SPEG: variants seen among roughly 807,000 people sequenced by gnomAD.
SPEG encodes the protein striated muscle enriched protein kinase.
In SPEG, 114 loss-of-function variants were observed where a neutral mutation model predicts 300.4. That is an observed-to-expected ratio of 0.38 (90% CI 0.33 to 0.44). The LOEUF (loss-of-function observed/expected upper bound fraction) is 0.44. SPEG is among the 20% of genes least tolerant of loss of function. The pLI is 1.00. For synonymous variants in SPEG, 1,964 were observed against 2,018.9 expected (o/e 0.97, Z 0.73); for missense variants, 4,201 against 4,586.2 (o/e 0.92, Z 2.43).
rs1692122361 is a variant in SPEG, at chr2:219,473,971, G to A, written c.4447+68G>A. ...CAAAGCTCTCTACTCACACCCCCAG[G>A]TACACAACCTGCCTGACACTGCTGC... On this transcript the variant is annotated intron_variant, in intron 18 of 40. Transcript: ENST00000312358. The surrounding 1 kb of genome is among the most constrained non-coding windows in gnomAD (Gnocchi z 4.6). 1 of 1,512,470 alleles carries A rather than the reference G, an allele frequency of 6.6e-7. No individual in the cohort carries two copies. The highest frequency in any genetic ancestry group is 8.9e-7 in the Non-Finnish European group (1 of 1,121,450). The allele number at this position is 1,512,470 out of a possible 1,614,324, so 93.7% of individuals were successfully genotyped here.
Position 219,444,647 on chromosome 2 carries a change from C to T in SPEG, c.389-6C>T, listed in dbSNP as rs1575043481. Reference sequence around the variant, plus strand: ...GCCCTGCCCACACAGACCCCTTCTTCTCCAGACTCAGAGACGGCTGAGGAT... The same window carrying T: ...GCCCTGCCCACACAGACCCCTTCTTTTCCAGACTCAGAGACGGCTGAGGAT... On this transcript the variant is annotated splice_region_variant and splice_polypyrimidine_tract_variant and intron_variant, in intron 1 of 40. Coordinates refer to ENST00000312358, the MANE Select transcript of SPEG (RefSeq NM_005876.5). The surrounding 1 kb of genome is among the most constrained non-coding windows in gnomAD (Gnocchi z 7.8). 1.2e-6 allele frequency: 2 copies of T among 1,613,720 alleles called. No homozygotes were observed. Among genetic ancestry groups the T allele is most frequent in the East Asian group, 4.5e-5 (2 of 44,860 alleles).
chr2:219,461,990 T>C lies in SPEG; in HGVS notation c.2549T>C (p.Met850Thr). The C allele has an allele frequency of 1.2e-6, 2 of 1,612,520 alleles. No homozygotes were observed. Among genetic ancestry groups the C allele is most frequent in the Admixed American group, 1.7e-5 (1 of 59,906 alleles). ...PGETWPRTPT[M>T]KPSPSQNRRS... ...GAGACCTGGCCGCGAACCCCCACCA[T>C]GAAGCCCAGTCCCAGCCAGAACCGC... Residue 850 changes from methionine to threonine, a missense_variant, in exon 7 of 41, where the codon ATG becomes ACG. By Grantham distance (81) the Met-to-Thr change is moderately conservative. Transcript: ENST00000312358.
Position 219,445,210 on chromosome 2 carries a change from G to A in SPEG, c.815+49G>A. Reference sequence around the variant, plus strand: ...CTGAACTGCCCCATCTCACCACGCTGTCCTGCGCTGCCCTCACTGCTCAGT... The same window carrying A: ...CTGAACTGCCCCATCTCACCACGCTATCCTGCGCTGCCCTCACTGCTCAGT... On this transcript the variant is annotated intron_variant, in intron 3 of 40. Transcript: ENST00000312358. The surrounding 1 kb of genome is among the most constrained non-coding windows in gnomAD (Gnocchi z 6.1). 1 of 1,495,624 alleles carries A rather than the reference G, an allele frequency of 6.7e-7. No individual in the cohort carries two copies. Among genetic ancestry groups the A allele is most frequent in the Non-Finnish European group, 9.1e-7 (1 of 1,097,682 alleles). 92.6% of individuals were successfully genotyped at this position (1,495,624 alleles called of 1,614,324 possible).
rs1055878018 is a variant in SPEG at position 219,458,871 on chromosome 2, C to T, written c.2441-3011C>T. Among the ~76,000 whole-genome samples, 1 of 151,992 alleles carries T rather than the reference C, an allele frequency of 6.6e-6. No homozygotes were observed. Among genetic ancestry groups the T allele is most frequent in the Non-Finnish European group, 1.5e-5 (1 of 68,004 alleles). On this transcript the variant is annotated intron_variant, in intron 6 of 40. Coordinates refer to ENST00000312358, the MANE Select transcript of SPEG (RefSeq NM_005876.5). The surrounding 1 kb of genome is among the most constrained non-coding windows in gnomAD (Gnocchi z 4.2). ...GAGGAATCTATATTTTAAATAAGCC[C>T]GAGGTGGTCCTGATGTGAGTAGGTC...
In SPEG at chr2:219,462,048, C is replaced by T; in HGVS notation, c.2607C>T (p.Pro869=). The change falls in exon 7 of 41, where the codon CCC becomes CCT. Residue 869 remains proline (P), a synonymous_variant. Coordinates refer to ENST00000312358, the MANE Select transcript of SPEG (RefSeq NM_005876.5). ...CTGACACTGGCTCCAAGGCACCCCCCACCTTCAAGGTCAGACCCCTGAGGC... is the reference window on the plus strand; with the variant it reads ...CTGACACTGGCTCCAAGGCACCCCCTACCTTCAAGGTCAGACCCCTGAGGC... ...RSSDTGSKAP[P]TFKVSLMDQS... The T allele has an allele frequency of 4.4e-6, 7 of 1,604,754 alleles. No individual in the cohort carries two copies. Among genetic ancestry groups the T allele is most frequent in the African/African-American group, 1.3e-5 (1 of 74,384 alleles).
chr2:219,484,523 C>A lies in SPEG; in HGVS notation c.7060C>A (p.Arg2354Ser), dbSNP rs1195154160. 6.3e-7 allele frequency: 1 copy of A among 1,599,760 alleles called. No homozygotes were observed. Among genetic ancestry groups the A allele is most frequent in the South Asian group, 1.1e-5 (1 of 90,324 alleles). The change falls in exon 30 of 41, where the codon CGT becomes AGT. Residue 2354 changes from arginine (R) to serine (S), a missense_variant. Coordinates refer to ENST00000312358, the MANE Select transcript of SPEG (RefSeq NM_005876.5). ...GTCGCTGGGGCTGCGGCTGCTGAGCCGTTCGCGCTCGGAGGAGCGCGGCCC... is the reference window on the plus strand; with the variant it reads ...GTCGCTGGGGCTGCGGCTGCTGAGCAGTTCGCGCTCGGAGGAGCGCGGCCC... ...PLSLGLRLLSRSRSEERGPFR... is the reference protein window; with the variant it reads ...PLSLGLRLLSSSRSEERGPFR...
chr2:219,483,901 G>C lies in SPEG; in HGVS notation c.6438G>C (p.Gly2146=). The part of the protein sequence containing the change: ...AEPRGRHRRA[G]APLEIPVARL... ...CCCGGGGCCGGCACCGCCGAGCGGGGGCGCCCCTCGAGATCCCCGTGGCCA... is the reference window on the plus strand; with the variant it reads ...CCCGGGGCCGGCACCGCCGAGCGGGCGCGCCCCTCGAGATCCCCGTGGCCA... Residue 2146 remains glycine, a synonymous_variant, in exon 30 of 41, where the codon GGG becomes GGC. Coordinates refer to ENST00000312358, the MANE Select transcript of SPEG (RefSeq NM_005876.5). 6.2e-7 allele frequency: 1 copy of C among 1,601,258 alleles called. No individual in the cohort carries two copies. The highest frequency in any genetic ancestry group is 8.5e-7 in the Non-Finnish European group (1 of 1,178,712).
rs1299910178 is a variant in SPEG, at chr2:219,448,568, C to G, written c.1410C>G (p.Phe470Leu). The change falls in exon 4 of 41, where the codon TTC becomes TTG. Residue 470 changes from phenylalanine to leucine, a missense_variant. Transcript: ENST00000312358. ...PGSVAERRRL[F>L]QQKAASLDER... Reference sequence around the variant, plus strand: ...GCGTGGCCGAGCGGCGCCGCCTGTTCCAGCAGAAAGCGGCCTCGCTGGACG... The same window carrying G: ...GCGTGGCCGAGCGGCGCCGCCTGTTGCAGCAGAAAGCGGCCTCGCTGGACG... 1 of 1,452,288 alleles carries G rather than the reference C, an allele frequency of 6.9e-7. No homozygotes were observed. The highest frequency in any genetic ancestry group is 2.9e-5 in the East Asian group (1 of 34,190). The allele number at this position is 1,452,288 out of a possible 1,614,324, so 90.0% of individuals were successfully genotyped here. A position where few individuals can be genotyped will look rare whatever the true frequency, so the allele number is the denominator to read the frequency against.
chr2:219,437,714 G>A (rs1476747676), intron 1 of SPEG, among the ~76,000 whole-genome samples: 1 of 152,050 alleles, frequency 6.6e-6, no homozygotes, highest in African/African-American at 2.4e-5. Flanking sequence ...GAGGAGGGAG[G>A]GGCTTTGCTT....
At position 219,479,997 on chromosome 2, in the gene SPEG, C is replaced by T. The variant is rs532283838; in HGVS notation, c.5199C>T (p.Gly1733=). The T allele has an allele frequency of 1.3e-5, 21 of 1,614,086 alleles. No individual in the cohort carries two copies. The highest frequency in any genetic ancestry group is 1.1e-4 in the African/African-American group (8 of 75,022). ...TGCTGGTGTGGGATGGTGCTGCGGG[C>T]GAGCAGCAGGTGCGGATCTGTGACT... is the stretch of plus-strand genomic sequence containing the variant. The part of the protein sequence containing the change: ...ENLLVWDGAA[G]EQQVRICDFG... The change falls in exon 25 of 41, where the codon GGC becomes GGT. Residue 1733 remains glycine (G), a synonymous_variant. Coordinates refer to ENST00000312358, the MANE Select transcript of SPEG (RefSeq NM_005876.5). The surrounding 1 kb of genome is among the most constrained non-coding windows in gnomAD (Gnocchi z 5.5).
chr2:219,466,085 T>A (rs760098216), intron 9 of SPEG: 7 of 1,592,912 alleles, frequency 4.4e-6, no homozygotes, highest in African/African-American at 1.3e-5. Context: ...CCACCTGTGC[T>A]CCCCCCGCTA....
In SPEG at chr2:219,477,248, C is replaced by T; in HGVS notation, c.4561-29C>T. 7.9e-7 allele frequency: 1 copy of T among 1,267,828 alleles called. No homozygotes were observed. Among genetic ancestry groups the T allele is most frequent in the Non-Finnish European group, 1.1e-6 (1 of 928,564 alleles). 78.5% of individuals were successfully genotyped at this position (1,267,828 alleles called of 1,614,324 possible). Reference sequence around the variant, plus strand: ...CCCAAGGTAGAGATGAGGCCAGGCCCAGGCTGAAGGTGAGACCCCACTCTG... The same window carrying T: ...CCCAAGGTAGAGATGAGGCCAGGCCTAGGCTGAAGGTGAGACCCCACTCTG... On this transcript the variant is annotated intron_variant, in intron 19 of 40. Transcript: ENST00000312358. The surrounding 1 kb of genome is among the most constrained non-coding windows in gnomAD (Gnocchi z 6.4).
chr2:219,484,370 C>T lies in SPEG; in HGVS notation c.6907C>T (p.Leu2303=). ...RVPSAGGPPV[L]AEKARVPTVP... is the part of the protein sequence containing the mutation. ...GCCCTCAGCCGGGGGTCCCCCGGTG[C>T]TAGCCGAGAAAGCCCGAGTTCCCAC... Residue 2303 remains leucine (L), a synonymous_variant, in exon 30 of 41, where the codon CTA becomes TTA. Transcript: ENST00000312358. 6.2e-7 allele frequency: 1 copy of T among 1,607,742 alleles called. No individual in the cohort carries two copies. Among genetic ancestry groups the T allele is most frequent in the South Asian group, 1.1e-5 (1 of 90,984 alleles).
Position 219,469,402 on chromosome 2 carries a change from G to A in SPEG, c.3715+23G>A, listed in dbSNP as rs746737948. 1.2e-5 allele frequency: 19 copies of A among 1,589,094 alleles called. No individual in the cohort carries two copies. The African/African-American group carries it at 1.5e-4, about 12-fold the overall frequency. On this transcript the variant is annotated intron_variant, in intron 13 of 40. Transcript: ENST00000312358. ...AGTGTACGTGTCTGGGAAGTTCCCC[G>A]GGAGTGTCCCCTGCAGCACCCACTT...
chr2:219,444,759 T>A lies in SPEG; in HGVS notation c.478+17T>A. 6.2e-7 allele frequency: 1 copy of A among 1,613,118 alleles called. No individual in the cohort carries two copies. On this transcript the variant is annotated intron_variant, in intron 2 of 40. Transcript: ENST00000312358. The surrounding 1 kb of genome is among the most constrained non-coding windows in gnomAD (Gnocchi z 7.8). ...CCCCCACGGGTGAGCTCCTGGGGTG[T>A]ACAAAGAGCAGGCAGGCGGGTTTTC... is the stretch of plus-strand genomic sequence containing the variant.
rs781036323 is a variant in SPEG, at chr2:219,473,844, C to A, written c.4388C>A (p.Thr1463Asn). The A allele has an allele frequency of 1.9e-6, 3 of 1,613,622 alleles. No homozygotes were observed. In the African/African-American group the frequency reaches 4.0e-5, roughly 22 times the overall value. The change falls in exon 18 of 41, where the codon ACC (threonine) becomes AAC (asparagine). Residue 1463 changes from threonine (T) to asparagine (N), a missense_variant. Physicochemically the swap from Thr to Asn is moderately conservative, Grantham distance 65. Coordinates refer to ENST00000312358, the MANE Select transcript of SPEG (RefSeq NM_005876.5). The surrounding 1 kb of genome is among the most constrained non-coding windows in gnomAD (Gnocchi z 4.6). ...AGCCGCCGGGACATGGGGGCCCTCA[C>A]CTGCACCGCCCGAAACCGTCACGGC... ...RVSRRDMGAL[T>N]CTARNRHGTQ... is the part of the protein sequence containing the mutation.
chr2:219,462,520 G>T, intron 8 of SPEG, 134 bp downstream of exon 8: 1 of 690,576 alleles, frequency 1.4e-6, no homozygotes, highest in South Asian at 1.8e-5. Context: ...CTCATCTCAG[G>T]GACAGCAGTG....
Position 219,448,152 on chromosome 2 carries a change from C to T in SPEG, c.994C>T (p.Pro332Ser). The T allele has an allele frequency of 1.2e-6, 2 of 1,609,674 alleles. No individual in the cohort carries two copies. Among genetic ancestry groups the T allele is most frequent in the Non-Finnish European group, 1.7e-6 (2 of 1,178,224 alleles). Residue 332 changes from proline to serine, a missense_variant, in exon 4 of 41, where the codon CCC becomes TCC. Transcript: ENST00000312358. Reference protein sequence around the residue: ...PGPPAQPAATPTSPHRRTQEP... With the variant: ...PGPPAQPAATSTSPHRRTQEP... ...ACCCCCGGCCCAGCCCGCGGCCACC[C>T]CCACGTCGCCCCACCGTCGCACTCA...
At chr2:219,485,204 G>C in intron 30 of SPEG, 132 bp downstream of exon 30, 1 of 1,483,366 alleles carries the variant, frequency 6.7e-7, no homozygotes, top group African/African-American at 1.4e-5. Flanking sequence ...GAATCAGCAG[G>C]GCTGGAGGGG....
Sources: gnomAD v4.1 joint callset for allele counts (sites outside exome capture counted in the v4.1 genomes callset) on GRCh38, gnomAD v4.1.1 for gene constraint, Gnocchi (gnomAD v3.1) non-coding constraint, MANE v1.5 for transcripts, NCBI Gene and HGNC (gene_info 2026-07-23, HGNC 2026-07-21) for gene names.